The following PCDHGA8 variants were observed in gnomAD, a reference collection of about 807,000 sequenced individuals.
PCDHGA8 encodes protocadherin gamma subfamily A, 8, also known as protocadherin gamma-A8.
PCDHGA8 carries 45 observed loss-of-function variants against 59.2 expected under a neutral mutation model. The observed-to-expected ratio is 0.76, with a 90% confidence interval of 0.60 to 0.98. The LOEUF is 0.98. PCDHGA8 is among the 50% of genes least tolerant of loss of function. PCDHGA8 has a pLI of 0.00. For synonymous variants in PCDHGA8, 531 were observed against 519.0 expected (o/e 1.02, Z -0.32); for missense variants, 1,257 against 1,196.2 (o/e 1.05, Z -0.75).
At chr5:141,399,063 A>G (rs762517133) in intron 1 of PCDHGA8, 1 of 1,613,714 alleles carries the variant, frequency 6.2e-7, no homozygotes, top group South Asian at 1.1e-5. Flanking sequence ...AGGAATATTC[A>G]ATGGTTGTAG....
At chr5:141,409,201 AATC>A (rs1377420843) in intron 1 of PCDHGA8, 1 of 1,614,044 alleles carries the variant, frequency 6.2e-7, no homozygotes, top group Non-Finnish European at 8.5e-7. Context: ...AGTGTAAAGT[AATC>A]ATAGAAATCC....
In PCDHGA8 at chr5:141,394,268, C is replaced by G; in HGVS notation, c.1455C>G (p.Ala485=). 1 of 1,613,946 alleles carries G rather than the reference C, an allele frequency of 6.2e-7. No individual in the cohort carries two copies. The highest frequency in any genetic ancestry group is 1.3e-5 in the African/African-American group (1 of 75,036). ...ACGACCCCGACAGCCAGGAGAATGCCCAGGTCACTTACTCTGTGACCGAGG... is the reference window on the plus strand; with the variant it reads ...ACGACCCCGACAGCCAGGAGAATGCGCAGGTCACTTACTCTGTGACCGAGG... ...TAHDPDSQEN[A]QVTYSVTEDT... Residue 485 remains alanine, a synonymous_variant, in exon 1 of 4, where the codon GCC becomes GCG. Coordinates refer to ENST00000398604, the MANE Select transcript of PCDHGA8 (RefSeq NM_032088.2).
At position 141,476,477 on chromosome 5, in the gene PCDHGA8, G is replaced by A; in HGVS notation, c.2425-18330G>A. 1.2e-6 allele frequency: 2 copies of A among 1,614,078 alleles called. No individual in the cohort carries two copies. Among genetic ancestry groups the A allele is most frequent in the South Asian group, 1.1e-5 (1 of 91,070 alleles). ...GGAGAACCCGCTGGAGCTGTTCAGC[G>A]TGGAAGTGGTGATCCAGGACATCAA... On this transcript the variant is annotated intron_variant, in intron 1 of 3. Transcript: ENST00000398604. This position sits in a 1 kb window ranked among gnomAD's most constrained non-coding sequence, Gnocchi z 7.6.
intron 1 of PCDHGA8, chr5:141,422,041 G>A (rs371079504): frequency 2.1e-5 from 34 of 1,611,632 alleles, no homozygotes; most frequent in Non-Finnish European, 2.9e-5. Flanking sequence ...GGATCCAGAC[G>A]AGGGAATCAA....
At chr5:141,457,439 C>T (rs2098920819) in intron 1 of PCDHGA8, among the ~76,000 whole-genome samples, 1 of 152,194 alleles carries the variant, frequency 6.6e-6, no homozygotes, top group Non-Finnish European at 1.5e-5. Context: ...CACCAAGCTG[C>T]AGAAGATCAC....
rs1561857042 is a variant in PCDHGA8, at chr5:141,432,038, C to CG, written c.2424+36805dup. 3 of 1,614,190 alleles carry CG rather than the reference C, an allele frequency of 1.9e-6. No individual in the cohort carries two copies. The highest frequency in any genetic ancestry group is 2.5e-6 in the Non-Finnish European group (3 of 1,180,032). Reference sequence around the variant, plus strand: ...CAACATCACAGTGACCGCCACTGACCGGGGAACCCCGCCCCTATCCACGGA... The same window carrying CG: ...CAACATCACAGTGACCGCCACTGACCGGGGGAACCCCGCCCCTATCCACGGA... On this transcript the variant is annotated intron_variant, in intron 1 of 3. Transcript: ENST00000398604. The surrounding 1 kb of genome is among the most constrained non-coding windows in gnomAD (Gnocchi z 6.0).
intron 1 of PCDHGA8, among the ~76,000 whole-genome samples, chr5:141,474,280 C>A (rs1490512371): frequency 6.6e-6 from 1 of 152,136 alleles, no homozygotes; most frequent in African/African-American, 2.4e-5. Context: ...CTCTGAATAA[C>A]CCACTAGATC....
intron 1 of PCDHGA8, chr5:141,421,166 A>T: frequency 7.7e-7 from 1 of 1,301,524 alleles, no homozygotes; most frequent in Non-Finnish European, 1.0e-6. Context: ...CTTCATAGAT[A>T]CATAAGCCGA....
Position 141,476,217 on chromosome 5 carries a change from A to G in PCDHGA8, c.2425-18590A>G. On this transcript the variant is annotated intron_variant, in intron 1 of 3. Coordinates refer to ENST00000398604, the MANE Select transcript of PCDHGA8 (RefSeq NM_032088.2). This position sits in a 1 kb window ranked among gnomAD's most constrained non-coding sequence, Gnocchi z 7.6. ...TTGAACAAGGCTTCCACGGTCATTC[A>G]CTATGAGATCCCGGAGGAAAGAGAG... The G allele has an allele frequency of 6.2e-7, 1 of 1,613,836 alleles. No homozygotes were observed. The highest frequency in any genetic ancestry group is 2.2e-5 in the East Asian group (1 of 44,818).
In PCDHGA8 at chr5:141,431,375, G is replaced by T. The variant is rs139873616; in HGVS notation, c.2424+36138G>T. ...ACGCGCCCTGGACCGCGAAGAAAAGGCTGCTCACCACCTGGTCCTTACGGC... is the reference window on the plus strand; with the variant it reads ...ACGCGCCCTGGACCGCGAAGAAAAGTCTGCTCACCACCTGGTCCTTACGGC... On this transcript the variant is annotated intron_variant, in intron 1 of 3. Coordinates refer to ENST00000398604, the MANE Select transcript of PCDHGA8 (RefSeq NM_032088.2). This position sits in a 1 kb window ranked among gnomAD's most constrained non-coding sequence, Gnocchi z 4.8. 21 of 1,613,422 alleles carry T rather than the reference G, an allele frequency of 1.3e-5. No homozygotes were observed. The African/African-American group carries it at 2.8e-4, about 21-fold the overall frequency.
At chr5:141,492,755 C>T (rs938918009) in intron 1 of PCDHGA8, among the ~76,000 whole-genome samples, 3 of 152,262 alleles carry the variant, frequency 2.0e-5, no homozygotes, top group African/African-American at 7.2e-5. Flanking sequence ...CGCGGCAGGG[C>T]TCCGCGTTGG....
At chr5:141,439,124 CAG>C (rs2098089371) in intron 1 of PCDHGA8, among the ~76,000 whole-genome samples, 1 of 150,004 alleles carries the variant, frequency 6.7e-6, no homozygotes, top group Non-Finnish European at 1.5e-5. Flanking sequence ...ACCCGGGAGA[CAG>C]AGGTTGCAGT....
intron 1 of PCDHGA8, chr5:141,395,561 T>C (rs1589266253): frequency 8.5e-6 from 2 of 235,114 alleles, no homozygotes; most frequent in East Asian, 1.7e-4. Context: ...TGTGTGTGTG[T>C]GTGTGTGTGT....
intron 1 of PCDHGA8, chr5:141,415,608 T>C (rs1391331847): frequency 6.2e-7 from 1 of 1,613,366 alleles, no homozygotes; most frequent in Non-Finnish European, 8.5e-7. Flanking sequence ...CCCCATTGGT[T>C]CCAGTGAGTT....
chr5:141,398,888 A>G (rs2093720509), intron 1 of PCDHGA8: 2 of 1,613,968 alleles, frequency 1.2e-6, no homozygotes, highest in East Asian at 4.5e-5. Context: ...CTTCGGGAAA[A>G]CGTGCCACCA....
intron 1 of PCDHGA8, chr5:141,403,757 C>G (rs1326659106): frequency 6.2e-7 from 1 of 1,613,766 alleles, no homozygotes; most frequent in Non-Finnish European, 8.5e-7. Flanking sequence ...AGCCAGCGAC[C>G]TGGATGAGGG....
At chr5:141,398,942 G>A (rs748252181) in intron 1 of PCDHGA8, 2 of 1,613,884 alleles carry the variant, frequency 1.2e-6, no homozygotes, top group South Asian at 1.1e-5. Context: ...CAAGACGAGG[G>A]CATCAACTCA....
intron 1 of PCDHGA8, among the ~76,000 whole-genome samples, chr5:141,401,290 C>T (rs1460193254): frequency 6.6e-6 from 1 of 151,710 alleles, no homozygotes; most frequent in Non-Finnish European, 1.5e-5. Flanking sequence ...TGCGGTGAGC[C>T]GAGATCACTC....
intron 1 of PCDHGA8, chr5:141,423,031 A>G (rs761268652): frequency 1.2e-6 from 2 of 1,614,096 alleles, no homozygotes; most frequent in East Asian, 2.2e-5. Flanking sequence ...TTCAGGCCAG[A>G]ACGCCTGGCT....
Sources: allele counts gnomAD v4.1 joint callset (sites outside exome capture counted in the v4.1 genomes callset), GRCh38; gene constraint gnomAD v4.1.1; non-coding constraint Gnocchi (gnomAD v3.1); transcripts MANE v1.5; gene names NCBI Gene and HGNC (gene_info 2026-07-23, HGNC 2026-07-21).